Variants in SPINK5 observed in about 807,000 individuals in gnomAD.
The protein encoded by SPINK5 is serine protease inhibitor Kazal-type 5.
In SPINK5, 125 loss-of-function variants were observed where a neutral mutation model predicts 151.8. The ratio of observed to expected loss-of-function variants is 0.82; its 90% CI spans 0.71 to 0.96. SPINK5 has a LOEUF of 0.96. Among genes scored for constraint, SPINK5 ranks in the 40% least tolerant of loss-of-function variants. The pLI, the probability that SPINK5 is intolerant of heterozygous loss-of-function variation, is 0.00. For missense variants in SPINK5, 1,194 were observed against 1,291.9 expected (o/e 0.92, Z 1.16); for synonymous variants, 374 against 395.3 (o/e 0.95, Z 0.64).
chr5:148,071,726 T>C (rs1752743569), intron 3 of SPINK5, among the ~76,000 whole-genome samples: 1 of 152,060 alleles, frequency 6.6e-6, no homozygotes, highest in African/African-American at 2.4e-5. Context: ...AAAGCTGTCA[T>C]CAGATTCCTA....
In SPINK5 at chr5:148,118,541, G is replaced by A. The variant is rs1465282307; in HGVS notation, c.2217G>A (p.Gln739=). The A allele has an allele frequency of 1.2e-5, 19 of 1,614,142 alleles. No individual in the cohort carries two copies. Among genetic ancestry groups the A allele is most frequent in the Non-Finnish European group, 1.6e-5 (19 of 1,180,004 alleles). The change falls in exon 23 of 33, where the codon CAG becomes CAA. Residue 739 remains glutamine (Q), a synonymous_variant. Transcript: ENST00000256084. ...RDADGKSYNN[Q]CTMCKAKLER... is the part of the protein sequence containing the mutation. ...CTGATGGCAAATCGTACAACAATCA[G>A]TGTACCATGTGTAAAGCAAAATTGT...
In SPINK5 at chr5:148,101,937, T is replaced by C. The variant is rs764384690; in HGVS notation, c.1430+29T>C. On this transcript the variant is annotated intron_variant, in intron 15 of 32. Transcript: ENST00000256084. ...AGTAGAGCAGTAGCCCCATAGCGTC[T>C]GAGGATTGAGCAGTGGGAATTTCCA... 2.5e-6 allele frequency: 4 copies of C among 1,613,010 alleles called. No individual in the cohort carries two copies. In the East Asian group the frequency reaches 8.9e-5, roughly 36 times the overall value.
rs112708641 is a variant in SPINK5, at chr5:148,101,452, C to T, written c.1302+16C>T. The T allele has an allele frequency of 4.5e-4, 719 of 1,588,508 alleles. 4 individuals are homozygous for T. In the African/African-American group the frequency reaches 7.7e-3, roughly 17 times the overall value. ...TTCCTTTGAGGTGAGTTTATATCCT[C>T]CAGCAACTCAGAGGGATATGGCCCT... On this transcript the variant is annotated intron_variant, in intron 14 of 32. Transcript: ENST00000256084.
chr5:148,101,741 C>T (rs1235045263), intron 14 of SPINK5, 40 bp from the exon 15 acceptor site: 1 of 1,613,202 alleles, frequency 6.2e-7, no homozygotes, highest in Non-Finnish European at 8.5e-7. Context: ...CTGATTCAGC[C>T]TATGTTCAAC....
At chr5:148,075,581 ACT>A (rs1752857487) in intron 4 of SPINK5, among the ~76,000 whole-genome samples, 1 of 151,660 alleles carries the variant, frequency 6.6e-6, no homozygotes, top group Non-Finnish European at 1.5e-5. Context: ...GACACTTTAG[ACT>A]CTGACTAAAT....
At chr5:148,107,856 C>A (rs1456231297) in intron 17 of SPINK5, among the ~76,000 whole-genome samples, 1 of 152,122 alleles carries the variant, frequency 6.6e-6, no homozygotes, top group Non-Finnish European at 1.5e-5. Context: ...ACTTCTAATT[C>A]TCCTTTTTAG....
At chr5:148,067,027 G>A (rs953494098) in intron 2 of SPINK5, among the ~76,000 whole-genome samples, 2 of 152,244 alleles carry the variant, frequency 1.3e-5, no homozygotes, top group East Asian at 1.9e-4. Context: ...AGTAGCTTGG[G>A]TTCCTTTCAG....
chr5:148,066,731 A>G (rs926043356), intron 2 of SPINK5, among the ~76,000 whole-genome samples: 4 of 152,038 alleles, frequency 2.6e-5, no homozygotes, highest in Admixed American at 2.0e-4. Context: ...TGTGTATAAA[A>G]CCATCATTTT....
intron 14 of SPINK5, 28 bp downstream of exon 14, chr5:148,101,464 A>G (rs1015871831): frequency 6.6e-7 from 1 of 1,519,634 alleles, no homozygotes; most frequent in Non-Finnish European, 9.1e-7. Context: ...AGCAACTCAG[A>G]GGGATATGGC....
intron 17 of SPINK5, among the ~76,000 whole-genome samples, chr5:148,107,916 C>T (rs3777143): frequency 0.75 from 114,684 of 152,114 alleles, 44,441 homozygotes; most frequent in African/African-American, 0.93. Flanking sequence ...CCGAGAAAAA[C>T]GCTTATTTAA....
Position 148,112,908 on chromosome 5 carries a change from G to A in SPINK5, c.1861G>A (p.Ala621Thr). The change falls in exon 20 of 33, where the codon GCA (alanine) becomes ACA (threonine). Residue 621 changes from alanine to threonine, a missense_variant. Coordinates refer to ENST00000256084, the MANE Select transcript of SPINK5 (RefSeq NM_006846.4). Reference sequence around the variant, plus strand: ...AGAAAAAGAAAGAGCTGAACCCAGAGCAAAAGTCAAAAGAGAAGCTGAAAA... The same window carrying A: ...AGAAAAAGAAAGAGCTGAACCCAGAACAAAAGTCAAAAGAGAAGCTGAAAA... Reference protein sequence around the residue: ...AKEKERAEPRAKVKREAEKET... With the variant: ...AKEKERAEPRTKVKREAEKET... 6.2e-7 allele frequency: 1 copy of A among 1,613,866 alleles called. No individual in the cohort carries two copies. The highest frequency in any genetic ancestry group is 8.5e-7 in the Non-Finnish European group (1 of 1,179,892).
chr5:148,112,958 T>C (rs767807014), intron 20 of SPINK5, 24 bp downstream of exon 20: 3 of 1,613,014 alleles, frequency 1.9e-6, no homozygotes, highest in East Asian at 2.2e-5. Context: ...ATGTTTATAC[T>C]GCAATGAAAG....
chr5:148,085,963 C>T (rs547170691), intron 4 of SPINK5, among the ~76,000 whole-genome samples: 6 of 151,984 alleles, frequency 3.9e-5, no homozygotes, highest in African/African-American at 1.4e-4. Context: ...GCTTAAGTGG[C>T]AGACTTAGAA....
chr5:148,101,467 G>T (rs1447368053), intron 14 of SPINK5, 31 bp downstream of exon 14: 2 of 1,506,808 alleles, frequency 1.3e-6, no homozygotes, highest in Admixed American at 3.4e-5. Flanking sequence ...AACTCAGAGG[G>T]ATATGGCCCT....
intron 32 of SPINK5, 38 bp from the exon 33 acceptor site, chr5:148,136,945 T>A (rs759311451): frequency 1.9e-6 from 3 of 1,613,270 alleles, no homozygotes; most frequent in Middle Eastern, 1.7e-4. Context: ...GCAATATCTC[T>A]GGGTTCTAGC....
At chr5:148,095,174 C>T (rs1254954893) in intron 9 of SPINK5, among the ~76,000 whole-genome samples, 2 of 151,952 alleles carry the variant, frequency 1.3e-5, no homozygotes, top group African/African-American at 2.4e-5. Context: ...TCTCATAATC[C>T]TTAGTAATTG....
At chr5:148,098,555 G>T (rs1240856812) in intron 11 of SPINK5, among the ~76,000 whole-genome samples, 1 of 151,880 alleles carries the variant, frequency 6.6e-6, no homozygotes, top group African/African-American at 2.4e-5. Flanking sequence ...TGTTTTGATT[G>T]ACAACTACAT....
At chr5:148,069,690 G>A (rs372495901) in intron 2 of SPINK5, among the ~76,000 whole-genome samples, 15 of 151,992 alleles carry the variant, frequency 9.9e-5, no homozygotes, top group South Asian at 6.2e-4. Flanking sequence ...CCAGAACCTC[G>A]GAAGGGGGAT....
At chr5:148,121,596 A>T (rs1026279138) in intron 26 of SPINK5, among the ~76,000 whole-genome samples, 1 of 151,842 alleles carries the variant, frequency 6.6e-6, no homozygotes, top group Non-Finnish European at 1.5e-5. Context: ...ATCCTTATTT[A>T]AAAAATTTTG....
Sources: allele counts gnomAD v4.1 joint callset (sites outside exome capture counted in the v4.1 genomes callset), GRCh38; gene constraint gnomAD v4.1.1; transcripts MANE v1.5; gene names NCBI Gene and HGNC (gene_info 2026-07-23, HGNC 2026-07-21).